The following EPC2 variants were observed in gnomAD, a reference collection of about 807,000 sequenced individuals.
EPC2 encodes enhancer of polycomb 2.
Under a neutral mutation model 92.1 loss-of-function variants are expected in EPC2, and 14 were observed. The observed-to-expected ratio is 0.15, with a 90% CI of 0.10 to 0.24. The LOEUF (loss-of-function observed/expected upper bound fraction) is 0.24. Ranked by LOEUF, EPC2 falls within the 10% of genes least tolerant of loss-of-function variation. The pLI is 1.00. For synonymous variants in EPC2, 340 were observed against 334.7 expected, an observed-to-expected ratio of 1.02 and a Z score of -0.17; for missense variants, 755 against 971.5, an observed-to-expected ratio of 0.78 and a Z score of 2.96.
chr2:148,703,583 C>T (rs1288026634), intron 2 of EPC2, among the ~76,000 whole-genome samples: 2 of 152,110 alleles, frequency 1.3e-5, no homozygotes, highest in African/African-American at 4.8e-5. Context: ...GGCTGGAGTA[C>T]AGTGGTGTGA....
chr2:148,671,459 T>C (rs988100166), intron 1 of EPC2, among the ~76,000 whole-genome samples: 2 of 151,970 alleles, frequency 1.3e-5, no homozygotes, highest in East Asian at 1.9e-4. Flanking sequence ...ACTAAAAATA[T>C]AAAAATTAGT....
rs553751629 is a variant in EPC2 at position 148,661,234 on chromosome 2, A to G, written c.153+16064A>G. On this transcript the variant is annotated intron_variant, in intron 1 of 13. Transcript: ENST00000258484. ...TTCATTTGTCAAAGTCTACTTGTGT[A>G]TCCTGTTGGAGGGTTGGTTTTGTGC... is the stretch of plus-strand genomic sequence containing the variant. Among the ~76,000 whole-genome samples, 40 of 152,208 alleles carry G rather than the reference A, an allele frequency of 2.6e-4. 1 individual carries two copies. In the South Asian group the frequency reaches 6.4e-3, roughly 24 times the overall value.
At chr2:148,781,421 C>T (rs1683745100) in intron 10 of EPC2, among the ~76,000 whole-genome samples, 1 of 152,128 alleles carries the variant, frequency 6.6e-6, no homozygotes. Flanking sequence ...ACAAAAACTA[C>T]ATTTAGGCAC....
At chr2:148,701,993 A>T (rs1234795246) in intron 2 of EPC2, among the ~76,000 whole-genome samples, 2 of 151,914 alleles carry the variant, frequency 1.3e-5, no homozygotes, top group East Asian at 3.9e-4. Context: ...ATGGCCATAT[A>T]GTTGTTCTGT....
chr2:148,661,402 T>C (rs1435005062), intron 1 of EPC2, among the ~76,000 whole-genome samples: 2 of 152,172 alleles, frequency 1.3e-5, no homozygotes, highest in African/African-American at 4.8e-5. Context: ...AAATTGTTTG[T>C]CCTAGTTTTC....
chr2:148,751,557 C>T (rs995537254), intron 3 of EPC2, among the ~76,000 whole-genome samples: 12 of 152,080 alleles, frequency 7.9e-5, no homozygotes, highest in Admixed American at 5.9e-4. Flanking sequence ...TCTCAGTATG[C>T]TGTCCAGACT....
chr2:148,769,280 G>A, intron 8 of EPC2, 40 bp downstream of exon 8: 1 of 1,381,084 alleles, frequency 7.2e-7, no homozygotes, highest in African/African-American at 1.4e-5. Flanking sequence ...TTGTGAACTG[G>A]AATTAACAGG....
At chr2:148,745,246 A>G (rs780856561) in intron 3 of EPC2, among the ~76,000 whole-genome samples, 4 of 151,930 alleles carry the variant, frequency 2.6e-5, no homozygotes, top group Admixed American at 1.3e-4. Flanking sequence ...TTTCTTAGCA[A>G]TCCTAGGCTG....
chr2:148,781,579 T>C, intron 10 of EPC2, 65 bp from the exon 11 acceptor site: 1 of 1,445,042 alleles, frequency 6.9e-7, no homozygotes, highest in African/African-American at 1.4e-5. Context: ...TTATATCATA[T>C]TCTGCTTGTG....
At chr2:148,747,905 A>G (rs1683015493) in intron 3 of EPC2, among the ~76,000 whole-genome samples, 1 of 152,010 alleles carries the variant, frequency 6.6e-6, no homozygotes, top group African/African-American at 2.4e-5. Context: ...AGTATTTCAA[A>G]TTTAACATCT....
intron 2 of EPC2, among the ~76,000 whole-genome samples, chr2:148,732,892 A>G (rs1682667173): frequency 6.6e-6 from 1 of 151,256 alleles, no homozygotes. Context: ...TGTATTTTTC[A>G]TAATAATGTA....
At chr2:148,754,231 C>A in intron 4 of EPC2, 98 bp downstream of exon 4, 2 of 931,500 alleles carry the variant, frequency 2.1e-6, no homozygotes, top group Non-Finnish European at 3.2e-6. Flanking sequence ...ATAATGGTAG[C>A]TAATGGCATT....
rs75295943 is a variant in EPC2, at chr2:148,742,532, C to G, written c.314-1090C>G. 4.9e-3 allele frequency among the ~76,000 whole-genome samples: 744 copies of G among 152,116 alleles called. 30 individuals are homozygous for G. In the East Asian group the frequency reaches 0.11, roughly 22 times the overall value. On this transcript the variant is annotated intron_variant, in intron 2 of 13. Transcript: ENST00000258484. ...GTTTGGAAGGCCGAGGCAGACAGATCGCTTGAGCCCAGGAGTTGCAGACAG... is the reference window on the plus strand; with the variant it reads ...GTTTGGAAGGCCGAGGCAGACAGATGGCTTGAGCCCAGGAGTTGCAGACAG...
chr2:148,679,653 G>GT (rs1343666570), intron 1 of EPC2, among the ~76,000 whole-genome samples: 4 of 152,058 alleles, frequency 2.6e-5, no homozygotes, highest in Admixed American at 6.5e-5. Flanking sequence ...GCAAAAGTTT[G>GT]TTTTTTGAGA....
intron 3 of EPC2, among the ~76,000 whole-genome samples, chr2:148,744,990 C>CCG (rs1553448417): frequency 0.011 from 123 of 11,294 alleles, 26 homozygotes; most frequent in Non-Finnish European, 0.037. Flanking sequence ...TATCAGTTTG[C>CCG]CCCCCCCCCC....
intron 3 of EPC2, among the ~76,000 whole-genome samples, chr2:148,747,378 A>G (rs1683005755): frequency 6.6e-6 from 1 of 152,010 alleles, no homozygotes; most frequent in Non-Finnish European, 1.5e-5. Flanking sequence ...ATAGTCCTCG[A>G]ATATTTTATT....
At position 148,757,608 on chromosome 2, in the gene EPC2, C is replaced by G. The variant is rs184211544; in HGVS notation, c.666+3475C>G. On this transcript the variant is annotated intron_variant, in intron 4 of 13. Transcript: ENST00000258484. ...ATACCAGCACTTTCAGAGACTGAGG[C>G]GGGTGGATCACCTGAGGTCGGGAGT... is the stretch of plus-strand genomic sequence containing the variant. Among the ~76,000 whole-genome samples, 23 of 152,024 alleles carry G rather than the reference C, an allele frequency of 1.5e-4. No homozygotes were observed. The East Asian group carries it at 1.7e-3, about 12-fold the overall frequency.
intron 2 of EPC2, among the ~76,000 whole-genome samples, chr2:148,737,482 G>A (rs1682781095): frequency 1.3e-5 from 2 of 152,032 alleles, no homozygotes; most frequent in Admixed American, 1.3e-4. Context: ...GAGTGGGATG[G>A]CTGTAGTGGA....
At chr2:148,707,375 T>C (rs1009495378) in intron 2 of EPC2, among the ~76,000 whole-genome samples, 5 of 152,160 alleles carry the variant, frequency 3.3e-5, no homozygotes, top group African/African-American at 7.2e-5. Context: ...AAAAAGCGAC[T>C]TAGACTCCCA....
Sources: gnomAD v4.1 joint callset for allele counts (sites outside exome capture counted in the v4.1 genomes callset) on GRCh38, gnomAD v4.1.1 for gene constraint, MANE v1.5 for transcripts, NCBI Gene and HGNC (gene_info 2026-07-23, HGNC 2026-07-21) for gene names.